Variants in ZFP1 observed in about 807,000 individuals in gnomAD.
The protein encoded by ZFP1 is zinc finger protein 1 homolog.
A neutral mutation model predicts 38.5 loss-of-function variants in ZFP1; 32 were observed. That is an observed-to-expected ratio of 0.83 (90% CI 0.63 to 1.12). The LOEUF (loss-of-function observed/expected upper bound fraction) is 1.12. Ranked by LOEUF, ZFP1 falls within the 50% of genes most tolerant of loss-of-function variation. The pLI is 0.00. For synonymous variants in ZFP1, 245 were observed against 168.8 expected (o/e 1.45, Z -3.50); for missense variants, 616 against 480.8 (o/e 1.28, Z -2.63).
chr16:75,162,011 CT>C (rs1425294548), intron 2 of ZFP1, among the ~76,000 whole-genome samples: 2 of 151,140 alleles, frequency 1.3e-5, no homozygotes, highest in East Asian at 3.9e-4. Context: ...TCTCGAACTC[CT>C]GACCTCATGT....
chr16:75,153,323 G>T (rs2037299694), intron 2 of ZFP1, among the ~76,000 whole-genome samples: 2 of 152,114 alleles, frequency 1.3e-5, no homozygotes, highest in Admixed American at 1.3e-4. Flanking sequence ...GTATGTATTT[G>T]GTTTTTCCAG....
intron 2 of ZFP1, among the ~76,000 whole-genome samples, chr16:75,161,953 T>G (rs1490326367): frequency 6.7e-6 from 1 of 148,488 alleles, no homozygotes; most frequent in Admixed American, 6.8e-5. Context: ...CCCGGCTAAT[T>G]TTTGTATTTT....
At chr16:75,167,328 C>T (rs1411346052) in intron 3 of ZFP1, among the ~76,000 whole-genome samples, 1 of 152,128 alleles carries the variant, frequency 6.6e-6, no homozygotes, top group Non-Finnish European at 1.5e-5. Flanking sequence ...TTAAGTATAG[C>T]TGAGGACAGA....
chr16:75,136,722 T>C, the ZFP1 span, among the ~76,000 whole-genome samples: 1 of 151,948 alleles, frequency 6.6e-6, no homozygotes, highest in Non-Finnish European at 1.5e-5. Flanking sequence ...ATACAAAAAT[T>C]AGCCAGCCGT....
At chr16:75,122,689 T>C in the ZFP1 span, among the ~76,000 whole-genome samples, 1 of 152,276 alleles carries the variant, frequency 6.6e-6, no homozygotes, top group African/African-American at 2.4e-5. Context: ...TCTCATCTTG[T>C]GGCTTTAGGC....
the ZFP1 span, among the ~76,000 whole-genome samples, chr16:75,131,124 G>A: frequency 6.6e-6 from 1 of 152,118 alleles, no homozygotes; most frequent in East Asian, 1.9e-4. Flanking sequence ...TGTGCCCTCG[G>A]TCTGGCATAT....
At chr16:75,141,304 G>A in the ZFP1 span, among the ~76,000 whole-genome samples, 1 of 144,036 alleles carries the variant, frequency 6.9e-6, no homozygotes, top group Non-Finnish European at 1.5e-5. Context: ...CCGGGTTCAT[G>A]CCATTCTCCT....
At chr16:75,145,173 AC>A (rs1268505566), upstream of ZFP1, among the ~76,000 whole-genome samples, 2 of 152,208 alleles carry the variant, frequency 1.3e-5, no homozygotes, top group Non-Finnish European at 2.9e-5. Flanking sequence ...TGGTGTAAAC[AC>A]CTTTCTATGA....
the ZFP1 span, among the ~76,000 whole-genome samples, chr16:75,138,437 C>G: frequency 6.6e-6 from 1 of 152,286 alleles, no homozygotes; most frequent in South Asian, 2.1e-4. Flanking sequence ...TGGAGACACA[C>G]CTTCAGCAGG....
chr16:75,138,887 G>A, the ZFP1 span, among the ~76,000 whole-genome samples: 1 of 152,134 alleles, frequency 6.6e-6, no homozygotes, highest in African/African-American at 2.4e-5. Flanking sequence ...CCAGTATGTG[G>A]TCCTTTGTGA....
At chr16:75,142,174 G>A in the ZFP1 span, among the ~76,000 whole-genome samples, 1 of 150,298 alleles carries the variant, frequency 6.7e-6, no homozygotes, top group South Asian at 2.1e-4. Context: ...TGGCCAACAT[G>A]GTGAAACCCC....
Position 75,166,894 on chromosome 16 carries a change from TG to T in ZFP1, c.142+1del. The T allele has an allele frequency of 1.2e-6, 2 of 1,613,672 alleles. No homozygotes were observed. Among genetic ancestry groups the T allele is most frequent in the Non-Finnish European group, 1.7e-6 (2 of 1,179,662 alleles). On this transcript the variant is annotated frameshift_variant and splice_region_variant, in exon 3 of 4. Transcript: ENST00000570010. LOFTEE classifies it high-confidence loss of function. The stretch of plus-strand genomic sequence containing the variant: ...GAGAATTATAGCAACTTACTTTCAG[TG>T]GGTAAGGACGGTTTTCAGGTACAGC... ...MLENYSNLLS[V>X]EVWKADDQME... is the part of the protein sequence containing the mutation.
upstream of ZFP1, among the ~76,000 whole-genome samples, chr16:75,146,174 T>TC (rs1567517171): frequency 6.6e-6 from 1 of 151,648 alleles, no homozygotes. Context: ...TTTTTTTTTT[T>TC]TTTTTGGAGA....
the ZFP1 span, among the ~76,000 whole-genome samples, chr16:75,129,242 G>C: frequency 6.6e-6 from 1 of 152,126 alleles, no homozygotes; most frequent in Non-Finnish European, 1.5e-5. Context: ...TTCTAAAAAT[G>C]AGCTTTCCTA....
chr16:75,143,501 C>A (rs1276072746), upstream of ZFP1, among the ~76,000 whole-genome samples: 1 of 152,110 alleles, frequency 6.6e-6, no homozygotes, highest in Admixed American at 6.6e-5. Flanking sequence ...CCGCCTTGGC[C>A]CCCCAAAGTG....
chr16:75,148,932 C>T (rs894835543), intron 1 of ZFP1: 1 of 151,838 alleles, frequency 6.6e-6, no homozygotes, highest in Non-Finnish European at 1.5e-5. Flanking sequence ...GCGAAGGGCT[C>T]GGGCCGCGCG....
intron 2 of ZFP1, among the ~76,000 whole-genome samples, chr16:75,162,196 C>T (rs1383703306): frequency 6.6e-6 from 1 of 152,076 alleles, no homozygotes; most frequent in Non-Finnish European, 1.5e-5. Context: ...AATCTCAGCT[C>T]ACTGCAGCCT....
the ZFP1 span, among the ~76,000 whole-genome samples, chr16:75,135,207 C>A: frequency 3.6e-4 from 1 of 2,768 alleles, no homozygotes; most frequent in Admixed American, 4.1e-3. Context: ...GAGACCTTAT[C>A]TCAAAAAAAA....
chr16:75,163,203 G>A (rs139002166), intron 2 of ZFP1, among the ~76,000 whole-genome samples: 3 of 152,086 alleles, frequency 2.0e-5, no homozygotes, highest in African/African-American at 4.8e-5. Flanking sequence ...CATTGCGCCC[G>A]GCCAATGTTT....
Sources: allele counts gnomAD v4.1 joint callset (sites outside exome capture counted in the v4.1 genomes callset), GRCh38; gene constraint gnomAD v4.1.1; transcripts MANE v1.5; gene names NCBI Gene and HGNC (gene_info 2026-07-23, HGNC 2026-07-21).